Variants in BAIAP3 observed in about 807,000 individuals in gnomAD.
The protein encoded by BAIAP3 is BAI1 associated protein 3, also known as BAI1-associated protein 3.
A neutral mutation model predicts 149.7 loss-of-function variants in BAIAP3; 180 were observed. The observed-to-expected ratio is 1.20, with a 90% CI of 1.07 to 1.36. The LOEUF (loss-of-function observed/expected upper bound fraction) is 1.36, where lower values mean the gene tolerates loss of function less well. BAIAP3 is among the 40% of genes most tolerant of loss of function. The pLI is 0.00. For synonymous variants in BAIAP3, 845 were observed against 670.7 expected (o/e 1.26, Z -4.02); for missense variants, 1,767 against 1,563.4 (o/e 1.13, Z -2.20).
At chr16:1,347,025 C>T in intron 28 of BAIAP3, 70 bp downstream of exon 28, 1 of 1,401,326 alleles carries the variant, frequency 7.1e-7, no homozygotes, top group Non-Finnish European at 9.8e-7. Context: ...TCCCTTTGTC[C>T]CCACTGGCCT....
intron 2 of BAIAP3, 101 bp downstream of exon 2, chr16:1,338,781 G>T: frequency 6.3e-7 from 1 of 1,577,354 alleles, no homozygotes; most frequent in Non-Finnish European, 8.6e-7. Flanking sequence ...CGGGAAGGAG[G>T]GTCTGCAGTT....
intron 8 of BAIAP3, 67 bp downstream of exon 8, chr16:1,341,556 T>G: frequency 6.5e-7 from 1 of 1,530,138 alleles, no homozygotes; most frequent in Non-Finnish European, 8.8e-7. Flanking sequence ...GGGCTGTGCC[T>G]GGAGGGTGGT....
In BAIAP3 at chr16:1,345,803, C is replaced by G; in HGVS notation, c.2121C>G (p.Leu707=). The G allele has an allele frequency of 6.3e-7, 1 of 1,577,576 alleles. No homozygotes were observed. Among genetic ancestry groups the G allele is most frequent in the Non-Finnish European group, 8.6e-7 (1 of 1,165,804 alleles). The change falls in exon 23 of 34, where the codon CTC becomes CTG. Residue 707 remains leucine (L), a synonymous_variant. Transcript: ENST00000426824. ...GCAGCTCCGCAGCCACTGCTGGTCT[C>G]TGCCTCAGCCACATCCAGGAGTTGT... The part of the protein sequence containing the change: ...RHSSSAATAG[L]CLSHIQELWV...
At chr16:1,337,717 C>T (rs188699779) in intron 1 of BAIAP3, among the ~76,000 whole-genome samples, 32 of 152,318 alleles carry the variant, frequency 2.1e-4, no homozygotes, top group African/African-American at 7.0e-4. Context: ...CAGGTTGGCT[C>T]AGTTGTCATG....
chr16:1,344,723 C>T (rs1435147882), intron 19 of BAIAP3, 25 bp downstream of exon 19: 2 of 1,606,876 alleles, frequency 1.2e-6, no homozygotes, highest in South Asian at 1.1e-5. Flanking sequence ...TCAGTGCTGT[C>T]CTGGGGCTGG....
intron 5 of BAIAP3, 142 bp downstream of exon 5, chr16:1,339,745 A>G: frequency 3.3e-6 from 2 of 598,302 alleles, no homozygotes; most frequent in East Asian, 2.9e-5. Context: ...CTGCAGGTGC[A>G]CACACACACA....
chr16:1,342,630 C>A lies in BAIAP3; in HGVS notation c.1061C>A (p.Thr354Lys), dbSNP rs762619597. 1.3e-6 allele frequency: 2 copies of A among 1,586,040 alleles called. No homozygotes were observed. Among genetic ancestry groups the A allele is most frequent in the Non-Finnish European group, 1.7e-6 (2 of 1,166,826 alleles). The change falls in exon 12 of 34, where the codon ACG becomes AAG. Residue 354 changes from threonine (T) to lysine (K), a missense_variant. Coordinates refer to ENST00000426824, the MANE Select transcript of BAIAP3 (RefSeq NM_001199097.2). Reference protein sequence around the residue: ...HCHLVLKLITTQRDTAMSQRG... With the variant: ...HCHLVLKLITKQRDTAMSQRG... ...CACCTGGTTCTCAAGCTGATCACTA[C>A]GCAGGTGGGGAAAGTGGGCGTCCCC... is the stretch of plus-strand genomic sequence containing the variant.
At chr16:1,336,151 A>ATGCCGCGTGCGGCACATG in intron 1 of BAIAP3, 1 of 949,692 alleles carries the variant, frequency 1.1e-6, no homozygotes, top group Non-Finnish European at 1.3e-6. Context: ...TCACACGCAC[A>ATGCCGCGTGCGGCACATG]TGCCGCGGCG....
chr16:1,341,259 C>T (rs768167147), intron 7 of BAIAP3, 35 bp from the exon 8 acceptor site: 47 of 1,605,878 alleles, frequency 2.9e-5, no homozygotes, highest in East Asian at 1.1e-4. Context: ...GGCCAGAGGG[C>T]GTGGGGCCAG....
At position 1,348,660 on chromosome 16, in the gene BAIAP3, G is replaced by T; in HGVS notation, c.*178G>T. ...CCCTGGCCGTGTCTGTCTGGTGTGT[G>T]CTGTGAACCCCTGCACCCAACCCCA... On this transcript the variant is annotated 3_prime_UTR_variant, in exon 34 of 34. Coordinates refer to ENST00000426824, the MANE Select transcript of BAIAP3 (RefSeq NM_001199097.2). 1 of 658,324 alleles carries T rather than the reference G, an allele frequency of 1.5e-6. No homozygotes were observed. Among genetic ancestry groups the T allele is most frequent in the Non-Finnish European group, 2.6e-6 (1 of 384,036 alleles). The allele number at this position is 658,324 out of a possible 1,614,324, so 40.8% of individuals were successfully genotyped here. A position where few individuals can be genotyped will look rare whatever the true frequency, so the allele number is the denominator to read the frequency against.
rs148186080 is a variant in BAIAP3 at position 1,346,458 on chromosome 16, G to C, written c.2510G>C (p.Arg837Pro). The C allele has an allele frequency of 1.1e-5, 18 of 1,612,322 alleles. 1 individual carries two copies. The Admixed American group carries it at 1.3e-4, about 12-fold the overall frequency. ...HLTSKMVGDIRKYVQHISLSP... is the reference protein window; with the variant it reads ...HLTSKMVGDIPKYVQHISLSP... ...TGCCCTCAGATGGTGGGCGACATCCGCAAGTATGTACAGCACATCAGTCTC... is the reference window on the plus strand; with the variant it reads ...TGCCCTCAGATGGTGGGCGACATCCCCAAGTATGTACAGCACATCAGTCTC... The change falls in exon 26 of 34, where the codon CGC (arginine) becomes CCC (proline). Residue 837 changes from arginine (R) to proline (P), a missense_variant. By Grantham distance (103) the Arg-to-Pro change is moderately radical. Transcript: ENST00000426824.
In BAIAP3 at chr16:1,344,311, C is replaced by G. The variant is rs749773079; in HGVS notation, c.1596C>G (p.Ala532=). The G allele has an allele frequency of 6.2e-7, 1 of 1,613,828 alleles. No individual in the cohort carries two copies. Among genetic ancestry groups the G allele is most frequent in the South Asian group, 1.1e-5 (1 of 91,080 alleles). The change falls in exon 17 of 34, where the codon GCC becomes GCG. Residue 532 remains alanine, a synonymous_variant. Coordinates refer to ENST00000426824, the MANE Select transcript of BAIAP3 (RefSeq NM_001199097.2). ...AGCTGAACATGGACATTGCTGCGGC[C>G]CTGAAGGTGTGTTCCAAAGCCCAGT... is the stretch of plus-strand genomic sequence containing the variant. ...ESELNMDIAA[A]LKRGNREWYD...
Position 1,344,467 on chromosome 16 carries a change from A to G in BAIAP3, c.1603-2A>G. 1 of 1,613,458 alleles carries G rather than the reference A, an allele frequency of 6.2e-7. No individual in the cohort carries two copies. Among genetic ancestry groups the G allele is most frequent in the Non-Finnish European group, 8.5e-7 (1 of 1,179,998 alleles). ...ATGCTGTCTTGGTGGTGTCTGTTGC[A>G]GAGAGGCAACCGTGAGTGGTACGAC... On this transcript the variant is annotated splice_acceptor_variant, in intron 17 of 33. Transcript: ENST00000426824. LOFTEE classifies it high-confidence loss of function.
chr16:1,347,510 C>T (rs1218138026), intron 29 of BAIAP3, 35 bp from the exon 30 acceptor site: 1 of 1,485,204 alleles, frequency 6.7e-7, no homozygotes, highest in Non-Finnish European at 8.9e-7. Context: ...ACCACCAGCA[C>T]CCAGGGGCCC....
In BAIAP3 at chr16:1,341,670, G is replaced by A. The variant is rs576950622; in HGVS notation, c.732-152G>A. 25 of 1,169,138 alleles carry A rather than the reference G, an allele frequency of 2.1e-5. No homozygotes were observed. The African/African-American group carries it at 3.5e-4, about 17-fold the overall frequency. The allele number at this position is 1,169,138 out of a possible 1,614,324, so 72.4% of individuals were successfully genotyped here. On this transcript the variant is annotated intron_variant, in intron 8 of 33. Coordinates refer to ENST00000426824, the MANE Select transcript of BAIAP3 (RefSeq NM_001199097.2). Reference sequence around the variant, plus strand: ...TTGTGCCACCGGGGCCACACGGCTGGCAACACCTGGCGGGATCAGGATTTG... The same window carrying A: ...TTGTGCCACCGGGGCCACACGGCTGACAACACCTGGCGGGATCAGGATTTG...
At position 1,340,547 on chromosome 16, in the gene BAIAP3, G is replaced by A. The variant is rs1399344181; in HGVS notation, c.409-375G>A. Among the ~76,000 whole-genome samples the A allele has an allele frequency of 2.0e-5, 3 of 151,976 alleles. No homozygotes were observed. The South Asian group carries it at 6.2e-4, about 32-fold the overall frequency. On this transcript the variant is annotated intron_variant, in intron 5 of 33. Coordinates refer to ENST00000426824, the MANE Select transcript of BAIAP3 (RefSeq NM_001199097.2). ...ACACAGACACGCACACACACACACA[G>A]GCTGCAGGTGCACACAGACACACAC... is the stretch of plus-strand genomic sequence containing the variant.
At chr16:1,342,096 C>G (rs752389039) in intron 10 of BAIAP3, 33 bp downstream of exon 10, 2 of 1,576,264 alleles carry the variant, frequency 1.3e-6, no homozygotes, top group South Asian at 1.2e-5. Context: ...ACCCATCACC[C>G]GTGCCCTCAG....
Position 1,349,123 on chromosome 16 carries a change from C to A in BAIAP3, c.*641C>A. On this transcript the variant is annotated 3_prime_UTR_variant, in exon 34 of 34. Transcript: ENST00000426824. ...GGCTCCGTGCCAACTGGTCAGCTGT[C>A]CTTCACGCACATATCCGTGGCCACC... 1 of 418,398 alleles carries A rather than the reference C, an allele frequency of 2.4e-6. No individual in the cohort carries two copies. The highest frequency in any genetic ancestry group is 4.4e-6 in the Non-Finnish European group (1 of 226,384). The allele number at this position is 418,398 out of a possible 1,614,324, so 25.9% of individuals were successfully genotyped here. A position where few individuals can be genotyped will look rare whatever the true frequency, so the allele number is the denominator to read the frequency against.
chr16:1,334,493 G>T, intron 1 of BAIAP3: 1 of 629,208 alleles, frequency 1.6e-6, no homozygotes, highest in South Asian at 2.0e-5. Context: ...AGGGAGGAGG[G>T]AGCGCTGCGC....
Sources: gnomAD v4.1 joint callset for allele counts (sites outside exome capture counted in the v4.1 genomes callset) on GRCh38, gnomAD v4.1.1 for gene constraint, MANE v1.5 for transcripts, NCBI Gene and HGNC (gene_info 2026-07-23, HGNC 2026-07-21) for gene names.